The following WWOX variants were observed in gnomAD, a reference collection of about 807,000 sequenced individuals.
WWOX encodes the protein WW domain-containing oxidoreductase.
WWOX carries 69 observed loss-of-function variants against 46.2 expected under a neutral mutation model. That is an observed-to-expected ratio of 1.49 (90% CI 1.23 to 1.82). The LOEUF is 1.82. Ranked by LOEUF, WWOX falls within the 40% of genes most tolerant of loss-of-function variation. The pLI is 0.00. For synonymous variants in WWOX, 359 were observed against 202.6 expected, an observed-to-expected ratio of 1.77 and a Z score of -6.56; for missense variants, 919 against 542.6, an observed-to-expected ratio of 1.69 and a Z score of -6.89.
chr16:78,318,910 C>G (rs774138633), intron 5 of WWOX, among the ~76,000 whole-genome samples: 1 of 152,044 alleles, frequency 6.6e-6, no homozygotes, highest in Non-Finnish European at 1.5e-5. Flanking sequence ...AAAATAATGG[C>G]CCTTATTAGG....
At chr16:78,231,176 A>G (rs1263569810) in intron 5 of WWOX, among the ~76,000 whole-genome samples, 3 of 152,114 alleles carry the variant, frequency 2.0e-5, no homozygotes, top group Admixed American at 6.6e-5. Context: ...GGGGTGGAGG[A>G]GAGGGATTTG....
At chr16:78,741,350 C>A (rs1199930645) in intron 8 of WWOX, among the ~76,000 whole-genome samples, 3 of 152,236 alleles carry the variant, frequency 2.0e-5, no homozygotes, top group Middle Eastern at 3.4e-3. Context: ...TACTTGAGGT[C>A]AGGAGATCGA....
intron 8 of WWOX, among the ~76,000 whole-genome samples, chr16:78,945,995 G>T (rs1350532534): frequency 6.6e-6 from 1 of 152,088 alleles, no homozygotes; most frequent in Non-Finnish European, 1.5e-5. Context: ...TCACAGGCTT[G>T]CCGGGCAACC....
intron 8 of WWOX, among the ~76,000 whole-genome samples, chr16:78,466,796 C>T (rs1280875913): frequency 2.0e-5 from 3 of 152,024 alleles, no homozygotes; most frequent in South Asian, 4.1e-4. Context: ...TGCAGTGAGC[C>T]GATATCTCAC....
intron 7 of WWOX, among the ~76,000 whole-genome samples, chr16:78,430,336 C>A (rs958222296): frequency 6.6e-6 from 1 of 152,038 alleles, no homozygotes; most frequent in Admixed American, 6.5e-5. Context: ...GGGGACACAG[C>A]CGAACCGTAT....
intron 8 of WWOX, among the ~76,000 whole-genome samples, chr16:78,738,184 A>T (rs2049133749): frequency 6.6e-6 from 1 of 152,116 alleles, no homozygotes; most frequent in Non-Finnish European, 1.5e-5. Flanking sequence ...AAAAGTTCAG[A>T]AGGTTGTTAC....
At chr16:78,917,300 A>T (rs565545619) in intron 8 of WWOX, among the ~76,000 whole-genome samples, 37 of 152,332 alleles carry the variant, frequency 2.4e-4, no homozygotes, top group African/African-American at 7.5e-4. Flanking sequence ...GAATTTCGTT[A>T]TCAAAAGAAG....
rs1391885824 is a variant in WWOX, at chr16:78,980,505, G to C, written c.1057-231103G>C. ...CCGCAGTTAATTAAATTGACTGCCTGGCAATCCAGTCTCAATTAAAATACT... is the reference window on the plus strand; with the variant it reads ...CCGCAGTTAATTAAATTGACTGCCTCGCAATCCAGTCTCAATTAAAATACT... On this transcript the variant is annotated intron_variant, in intron 8 of 8. Coordinates refer to ENST00000566780, the MANE Select transcript of WWOX (RefSeq NM_016373.4). Among the ~76,000 whole-genome samples, 16 of 152,128 alleles carry C rather than the reference G, an allele frequency of 1.1e-4. 1 individual carries two copies. Among genetic ancestry groups the C allele is most frequent in the Non-Finnish European group, 5.9e-5 (4 of 68,026 alleles).
chr16:78,767,482 C>CTGTGTGTGTGTGTGTGTGTG (rs3051061), intron 8 of WWOX, among the ~76,000 whole-genome samples: 1 of 143,036 alleles, frequency 7.0e-6, no homozygotes, highest in East Asian at 2.0e-4. Context: ...GTGTGTGTGT[C>CTGTGTGTGTGTGTGTGTGTG]TGTGTGTGTG....
intron 6 of WWOX, among the ~76,000 whole-genome samples, chr16:78,421,803 A>C (rs1264177413): frequency 6.6e-6 from 1 of 152,208 alleles, no homozygotes; most frequent in Non-Finnish European, 1.5e-5. Flanking sequence ...CAATGATAAA[A>C]TACTTCTCCC....
chr16:78,813,165 C>G (rs992532124), intron 8 of WWOX, among the ~76,000 whole-genome samples: 2 of 151,428 alleles, frequency 1.3e-5, no homozygotes, highest in African/African-American at 2.4e-5. Flanking sequence ...TTCAGCATCT[C>G]AAATGTACCT....
At chr16:79,041,925 C>G (rs1347938752) in intron 8 of WWOX, among the ~76,000 whole-genome samples, 4 of 152,102 alleles carry the variant, frequency 2.6e-5, no homozygotes, top group Admixed American at 6.6e-5. Flanking sequence ...TTTCTCCTCT[C>G]TAAGAGTCTT....
intron 8 of WWOX, among the ~76,000 whole-genome samples, chr16:78,633,899 T>C (rs985186611): frequency 6.6e-6 from 1 of 151,054 alleles, no homozygotes. Context: ...CTGAGGTGTT[T>C]TTTTTTTTTT....
chr16:79,168,539 T>G (rs1158187235), intron 8 of WWOX, among the ~76,000 whole-genome samples: 1 of 152,164 alleles, frequency 6.6e-6, no homozygotes, highest in Non-Finnish European at 1.5e-5. Context: ...CCCGCCTCCC[T>G]GCCCACACCT....
chr16:78,548,179 T>TTCAACA (rs57060863), intron 8 of WWOX, among the ~76,000 whole-genome samples: 9,982 of 119,316 alleles, frequency 0.084, 1,776 homozygotes, highest in East Asian at 0.16. Flanking sequence ...AAAAAAAAAA[T>TTCAACA]TACGAATTTT....
intron 4 of WWOX, among the ~76,000 whole-genome samples, chr16:78,124,550 G>A (rs934177806): frequency 6.6e-6 from 1 of 152,054 alleles, no homozygotes; most frequent in African/African-American, 2.4e-5. Flanking sequence ...CCAGTAGATG[G>A]ATCAAAAAGC....
chr16:79,146,626 G>A (rs1399972155), intron 8 of WWOX, among the ~76,000 whole-genome samples: 8 of 152,104 alleles, frequency 5.3e-5, no homozygotes, highest in Non-Finnish European at 1.0e-4. Flanking sequence ...TATTTAAGTG[G>A]GAGAATGCAG....
intron 5 of WWOX, among the ~76,000 whole-genome samples, chr16:78,359,903 G>A (rs575338364): frequency 7.8e-4 from 119 of 152,284 alleles, no homozygotes; most frequent in South Asian, 3.1e-3. Flanking sequence ...TTGTGACTTG[G>A]AAGATTGTTA....
chr16:78,639,910 G>T (rs1182291563), intron 8 of WWOX, among the ~76,000 whole-genome samples: 1 of 152,110 alleles, frequency 6.6e-6, no homozygotes, highest in Non-Finnish European at 1.5e-5. Flanking sequence ...GGAAGATAGA[G>T]TGGTGATCTA....
Sources: allele counts gnomAD v4.1 joint callset (sites outside exome capture counted in the v4.1 genomes callset), GRCh38; gene constraint gnomAD v4.1.1; transcripts MANE v1.5; gene names NCBI Gene and HGNC (gene_info 2026-07-23, HGNC 2026-07-21).